The following FREM3 variants were observed in gnomAD, a reference collection of about 807,000 sequenced individuals.
The protein encoded by FREM3 is FRAS1-related extracellular matrix protein 3.
Under a neutral mutation model 129.1 loss-of-function variants are expected in FREM3, and 105 were observed. The observed-to-expected ratio is 0.81, with a 90% CI of 0.69 to 0.96. The LOEUF is 0.96. Ranked by LOEUF, FREM3 falls within the 40% of genes least tolerant of loss-of-function variation. FREM3 has a pLI of 0.00. For missense variants in FREM3, 2,593 were observed against 2,666.3 expected (o/e 0.97, Z 0.61); for synonymous variants, 1,014 against 1,044.9 (o/e 0.97, Z 0.57).
chr4:143,627,835 T>C (rs957942076), intron 2 of FREM3, 75 bp from the exon 3 acceptor site: 2 of 971,032 alleles, frequency 2.1e-6, no homozygotes, highest in Non-Finnish European at 3.0e-6. Flanking sequence ...TGTGTGCATT[T>C]TACTTCTGAA....
At position 143,641,513 on chromosome 4, in the gene FREM3, C is replaced by T. The variant is rs141452128; in HGVS notation, c.5276-13753G>A. On this transcript the variant is annotated intron_variant, in intron 2 of 7. Coordinates refer to ENST00000329798, the MANE Select transcript of FREM3 (RefSeq NM_001168235.2). ...TGAGGTTTAATAAAACAATAATTAG[C>T]GAGGAAAGGTTGGAAGTTAAGTAAA... 3.3e-3 allele frequency among the ~76,000 whole-genome samples: 507 copies of T among 152,212 alleles called. 6 individuals carry two copies. Among genetic ancestry groups the T allele is most frequent in the African/African-American group, 0.012 (478 of 41,538 alleles).
chr4:143,592,310 T>C (rs1188347109), intron 6 of FREM3, among the ~76,000 whole-genome samples: 1 of 152,216 alleles, frequency 6.6e-6, no homozygotes, highest in African/African-American at 2.4e-5. Flanking sequence ...TTCTGCCCAT[T>C]AGTTGATGCA....
intron 2 of FREM3, among the ~76,000 whole-genome samples, chr4:143,651,413 A>G (rs956794034): frequency 2.0e-5 from 3 of 152,224 alleles, no homozygotes; most frequent in Admixed American, 1.3e-4. Context: ...CGAAATCCCA[A>G]TTCTTAAATA....
At chr4:143,692,727 A>G (rs1019764084) in intron 2 of FREM3, among the ~76,000 whole-genome samples, 6 of 152,190 alleles carry the variant, frequency 3.9e-5, no homozygotes, top group African/African-American at 1.2e-4. Flanking sequence ...TCTGCAGATA[A>G]AAATCCCAAC....
chr4:143,662,718 A>G (rs1037958790), intron 2 of FREM3, among the ~76,000 whole-genome samples: 4 of 151,968 alleles, frequency 2.6e-5, no homozygotes, highest in African/African-American at 4.8e-5. Context: ...GTGGGAGTCT[A>G]AGTCTCTTTA....
intron 2 of FREM3, among the ~76,000 whole-genome samples, chr4:143,672,105 A>C (rs1391101625): frequency 6.6e-6 from 1 of 152,204 alleles, no homozygotes; most frequent in Non-Finnish European, 1.5e-5. Context: ...TACTCAGAGC[A>C]GCAGTGTATC....
intron 6 of FREM3, among the ~76,000 whole-genome samples, chr4:143,595,843 A>G (rs915080340): frequency 5.6e-5 from 8 of 143,408 alleles, no homozygotes; most frequent in East Asian, 4.0e-4. Flanking sequence ...AGCTGAGATC[A>G]CGCCACTGCA....
At chr4:143,624,923 C>T (rs1177276899) in intron 3 of FREM3, among the ~76,000 whole-genome samples, 1 of 152,090 alleles carries the variant, frequency 6.6e-6, no homozygotes, top group Non-Finnish European at 1.5e-5. Flanking sequence ...CTCATGGTGG[C>T]TTGTTTCCTC....
Position 143,695,920 on chromosome 4 carries a change from A to G in FREM3, c.4756T>C (p.Leu1586=), listed in dbSNP as rs914570914. ...ITQVPMHGKI[L]YNGSRPVTTF... ...GTCACGGGACGGCTACCATTGTACA[A>G]AATCTTGCCATGCATGGGGACCTGG... is the stretch of plus-strand genomic sequence containing the variant. Residue 1586 remains leucine, a synonymous_variant, in exon 1 of 8, where the codon TTG becomes CTG. Transcript: ENST00000329798. 5.2e-6 allele frequency: 8 copies of G among 1,537,678 alleles called. No homozygotes were observed. The highest frequency in any genetic ancestry group is 4.1e-5 in the African/African-American group (3 of 73,026).
At chr4:143,671,813 T>A (rs553287432) in intron 2 of FREM3, among the ~76,000 whole-genome samples, 1 of 152,202 alleles carries the variant, frequency 6.6e-6, no homozygotes, top group East Asian at 1.9e-4. Flanking sequence ...AATTGATACA[T>A]GAGAAATGCA....
intron 7 of FREM3, among the ~76,000 whole-genome samples, chr4:143,581,972 C>A (rs1035306207): frequency 6.6e-6 from 1 of 152,120 alleles, no homozygotes; most frequent in African/African-American, 2.4e-5. Context: ...AGAGGCCAGT[C>A]TGTCCTCCCT....
intron 2 of FREM3, among the ~76,000 whole-genome samples, chr4:143,649,803 T>G (rs571503685): frequency 1.3e-5 from 2 of 152,320 alleles, no homozygotes; most frequent in East Asian, 3.9e-4. Flanking sequence ...TATGAAAAAT[T>G]AAGGTCTGTT....
intron 6 of FREM3, among the ~76,000 whole-genome samples, chr4:143,586,372 T>C (rs1738244405): frequency 6.6e-6 from 1 of 152,212 alleles, no homozygotes; most frequent in South Asian, 2.1e-4. Context: ...AGGCTTTTTT[T>C]GGCAGGGAGA....
intron 2 of FREM3, among the ~76,000 whole-genome samples, chr4:143,662,642 A>G (rs1292750317): frequency 6.6e-6 from 1 of 151,808 alleles, no homozygotes; most frequent in East Asian, 1.9e-4. Context: ...TATCCTTGTT[A>G]ACTTTCTTTC....
In FREM3 at chr4:143,699,763, G is replaced by C; in HGVS notation, c.913C>G (p.Pro305Ala). 6.5e-7 allele frequency: 1 copy of C among 1,529,368 alleles called. No individual in the cohort carries two copies. The highest frequency in any genetic ancestry group is 8.8e-7 in the Non-Finnish European group (1 of 1,142,574). The allele number at this position is 1,529,368 out of a possible 1,614,324, so 94.7% of individuals were successfully genotyped here. ...RIRGGAENTP[P>A]RPSFMATMMM... ...ATCGTGGCCATGAAGCTGGGCCTGG[G>C]CGGTGTGTTCTCGGCTCCGCCGCGG... The change falls in exon 1 of 8, where the codon CCC becomes GCC. Residue 305 changes from proline (P) to alanine (A), a missense_variant. By Grantham distance (27) the Pro-to-Ala change is conservative (BLOSUM62 -1). Transcript: ENST00000329798. The surrounding 1 kb of genome is among the most constrained non-coding windows in gnomAD (Gnocchi z 4.2).
chr4:143,602,254 A>G (rs1347644796), intron 6 of FREM3, among the ~76,000 whole-genome samples: 5 of 152,216 alleles, frequency 3.3e-5, no homozygotes, highest in Non-Finnish European at 7.3e-5. Flanking sequence ...TGCTGGAGAC[A>G]CACCACACAC....
At position 143,585,694 on chromosome 4, in the gene FREM3, T is replaced by G; in HGVS notation, c.6178+150A>C. 1 of 687,112 alleles carries G rather than the reference T, an allele frequency of 1.5e-6. No individual in the cohort carries two copies. Among genetic ancestry groups the G allele is most frequent in the South Asian group, 2.4e-5 (1 of 42,212 alleles). 42.6% of individuals were successfully genotyped at this position (687,112 alleles called of 1,614,324 possible). On this transcript the variant is annotated intron_variant, in intron 7 of 7. Coordinates refer to ENST00000329798, the MANE Select transcript of FREM3 (RefSeq NM_001168235.2). The surrounding 1 kb of genome is among the most constrained non-coding windows in gnomAD (Gnocchi z 4.2). The stretch of plus-strand genomic sequence containing the variant: ...CTTATTTTGTAACCAGCAGAAGTCA[T>G]TATGTATACAAACCATCTACGTGCT...
chr4:143,674,750 T>C (rs932007631), intron 2 of FREM3, among the ~76,000 whole-genome samples: 2 of 152,112 alleles, frequency 1.3e-5, no homozygotes, highest in African/African-American at 4.8e-5. Flanking sequence ...TCCTAGTCTC[T>C]GATAAAACAC....
chr4:143,593,312 T>C (rs576139177), intron 6 of FREM3, among the ~76,000 whole-genome samples: 28 of 152,368 alleles, frequency 1.8e-4, no homozygotes, highest in African/African-American at 5.8e-4. Context: ...AGAGGTGCTC[T>C]GATTTTTAGA....
Sources: allele counts gnomAD v4.1 joint callset (sites outside exome capture counted in the v4.1 genomes callset), GRCh38; gene constraint gnomAD v4.1.1; non-coding constraint Gnocchi (gnomAD v3.1); transcripts MANE v1.5; gene names NCBI Gene and HGNC (gene_info 2026-07-23, HGNC 2026-07-21).